The following LRRTM4 variants were observed in gnomAD, a reference collection of about 807,000 sequenced individuals.
The protein encoded by LRRTM4 is leucine-rich repeat transmembrane neuronal protein 4.
In LRRTM4, 25 loss-of-function variants were observed where a neutral mutation model predicts 47.6. The ratio of observed to expected loss-of-function variants is 0.53; its 90% CI spans 0.38 to 0.73. LRRTM4 has a LOEUF of 0.73. LRRTM4 is among the 30% of genes least tolerant of loss of function. LRRTM4 has a pLI of 0.00. For synonymous variants in LRRTM4, 311 were observed against 269.5 expected (o/e 1.15, Z -1.51); for missense variants, 638 against 713.4 (o/e 0.89, Z 1.20).
At chr2:77,171,268 G>C (rs1403412082) in intron 3 of LRRTM4, among the ~76,000 whole-genome samples, 3 of 151,818 alleles carry the variant, frequency 2.0e-5, no homozygotes, top group Non-Finnish European at 1.5e-5. Flanking sequence ...GTTGTTGTTT[G>C]TTTGCTTGCT....
chr2:76,842,876 G>A (rs12619628), intron 3 of LRRTM4, among the ~76,000 whole-genome samples: 13 of 152,018 alleles, frequency 8.6e-5, no homozygotes, highest in Non-Finnish European at 1.8e-4. Context: ...CAAGTTATTA[G>A]GTTATATATT....
At chr2:77,449,155 A>T (rs1159900070) in intron 3 of LRRTM4, among the ~76,000 whole-genome samples, 1 of 152,192 alleles carries the variant, frequency 6.6e-6, no homozygotes, top group Non-Finnish European at 1.5e-5. Context: ...AATCTTAAGG[A>T]ATCTGATTAG....
intron 3 of LRRTM4, among the ~76,000 whole-genome samples, chr2:77,179,177 G>C (rs541497532): frequency 6.6e-6 from 1 of 152,274 alleles, no homozygotes; most frequent in East Asian, 1.9e-4. Flanking sequence ...CAGTCAATAA[G>C]TGGTAAAGAA....
At chr2:76,847,018 T>G (rs1671855009) in intron 3 of LRRTM4, among the ~76,000 whole-genome samples, 1 of 152,192 alleles carries the variant, frequency 6.6e-6, no homozygotes, top group Non-Finnish European at 1.5e-5. Flanking sequence ...AGATAGATTT[T>G]GGAAGACAAC....
At chr2:76,812,673 C>CTTTCTTTCTT (rs1553413488) in intron 3 of LRRTM4, among the ~76,000 whole-genome samples, 167 of 147,934 alleles carry the variant, frequency 1.1e-3, no homozygotes, top group South Asian at 7.8e-3. Flanking sequence ...TACAAATAAG[C>CTTTCTTTCTT]TCTTTCTTTC....
intron 3 of LRRTM4, among the ~76,000 whole-genome samples, chr2:77,084,886 T>C (rs1680658419): frequency 6.6e-6 from 1 of 152,218 alleles, no homozygotes; most frequent in Non-Finnish European, 1.5e-5. Context: ...CAGAGTTTAA[T>C]GTTTAATAAT....
chr2:76,759,671 C>T (rs1573058959), intron 3 of LRRTM4, among the ~76,000 whole-genome samples: 1 of 151,908 alleles, frequency 6.6e-6, no homozygotes, highest in South Asian at 2.1e-4. Flanking sequence ...AATAAGACTT[C>T]GTTGTATTTC....
At chr2:76,769,405 T>C (rs369261444) in intron 3 of LRRTM4, among the ~76,000 whole-genome samples, 32 of 152,298 alleles carry the variant, frequency 2.1e-4, no homozygotes, top group African/African-American at 6.7e-4. Context: ...GTCTGTGTTT[T>C]CTGTGAACAC....
chr2:77,128,569 C>A lies in LRRTM4; in HGVS notation c.1552-379653G>T, dbSNP rs751547708. The stretch of plus-strand genomic sequence containing the variant: ...CCCATCTAGTAAAACTATACAAAAT[C>A]TTTCCAACCCTATTTTTCCTCTTAT... On this transcript the variant is annotated intron_variant, in intron 3 of 3. Coordinates refer to ENST00000409884, the MANE Select transcript of LRRTM4 (RefSeq NM_001134745.3). 9.1e-4 allele frequency among the ~76,000 whole-genome samples: 138 copies of A among 152,156 alleles called. 1 individual carries two copies. Among genetic ancestry groups the A allele is most frequent in the Non-Finnish European group, 1.9e-4 (13 of 68,028 alleles).
chr2:77,522,337 C>T lies in LRRTM4; in HGVS notation c.-376G>A. ...AGGCTTTCCAGAGACTGATGATGCT[C>T]AGAGCTTGTTGGTGCTAATGCTTGA... On this transcript the variant is annotated 5_prime_UTR_variant, in exon 1 of 4. Transcript: ENST00000409884. 3 of 488,954 alleles carry T rather than the reference C, an allele frequency of 6.1e-6. No homozygotes were observed. The South Asian group carries it at 9.3e-5, about 15-fold the overall frequency. The allele number at this position is 488,954 out of a possible 1,614,324, so 30.3% of individuals were successfully genotyped here.
intron 3 of LRRTM4, among the ~76,000 whole-genome samples, chr2:76,833,357 G>A (rs1371475080): frequency 6.6e-6 from 1 of 151,890 alleles, no homozygotes; most frequent in Admixed American, 6.6e-5. Flanking sequence ...TGTTCTGAGA[G>A]GTCAGGGTAG....
At chr2:76,930,933 C>T (rs930451618) in intron 3 of LRRTM4, among the ~76,000 whole-genome samples, 2 of 152,132 alleles carry the variant, frequency 1.3e-5, no homozygotes, top group African/African-American at 4.8e-5. Flanking sequence ...AAATCATTTT[C>T]TATCATCCAA....
At chr2:77,297,733 A>T (rs1379982020) in intron 3 of LRRTM4, among the ~76,000 whole-genome samples, 1 of 152,176 alleles carries the variant, frequency 6.6e-6, no homozygotes, top group East Asian at 1.9e-4. Flanking sequence ...ATTAAAAGCC[A>T]AGAGAGTAGA....
At chr2:77,073,521 T>C (rs544896316) in intron 3 of LRRTM4, among the ~76,000 whole-genome samples, 1 of 152,060 alleles carries the variant, frequency 6.6e-6, no homozygotes, top group African/African-American at 2.4e-5. Context: ...GTTTTCAATG[T>C]GATCCACACA....
chr2:77,258,917 A>G (rs1395352263), intron 3 of LRRTM4, among the ~76,000 whole-genome samples: 1 of 152,022 alleles, frequency 6.6e-6, no homozygotes, highest in Non-Finnish European at 1.5e-5. Context: ...CAAAAACAAA[A>G]ATAAGATAAT....
At chr2:77,167,056 A>G (rs1672906439) in intron 3 of LRRTM4, among the ~76,000 whole-genome samples, 1 of 152,212 alleles carries the variant, frequency 6.6e-6, no homozygotes, top group Non-Finnish European at 1.5e-5. Context: ...CAATCTACGC[A>G]TCTGACAAAG....
intron 3 of LRRTM4, among the ~76,000 whole-genome samples, chr2:76,895,769 T>C (rs1003206080): frequency 8.8e-5 from 13 of 147,796 alleles, no homozygotes; most frequent in African/African-American, 3.2e-4. Context: ...CCCAATTCTG[T>C]TTTTTATAAA....
At chr2:77,023,697 C>T (rs796282806) in intron 3 of LRRTM4, among the ~76,000 whole-genome samples, 68 of 152,296 alleles carry the variant, frequency 4.5e-4, no homozygotes, top group African/African-American at 1.2e-3. Flanking sequence ...CAACAAGTTT[C>T]TCATCTCCAT....
intron 3 of LRRTM4, among the ~76,000 whole-genome samples, chr2:76,830,497 T>C (rs1009793781): frequency 6.9e-6 from 1 of 145,000 alleles, no homozygotes; most frequent in Admixed American, 7.2e-5. Flanking sequence ...ATAAGTTGTC[T>C]ATGTGTGGCA....
Sources: allele counts gnomAD v4.1 joint callset (sites outside exome capture counted in the v4.1 genomes callset), GRCh38; gene constraint gnomAD v4.1.1; transcripts MANE v1.5; gene names NCBI Gene and HGNC (gene_info 2026-07-23, HGNC 2026-07-21).